MLLT10: variants seen among roughly 807,000 people sequenced by gnomAD.
MLLT10 encodes the protein protein AF-10.
Under a neutral mutation model 129.1 loss-of-function variants are expected in MLLT10, and 30 were observed. The observed-to-expected ratio is 0.23, with a 90% CI of 0.17 to 0.32. MLLT10 has a LOEUF of 0.32. MLLT10 is among the 10% of genes least tolerant of loss of function. MLLT10 has a pLI of 1.00. For synonymous variants in MLLT10, 490 were observed against 446.4 expected, an observed-to-expected ratio of 1.10 and a Z score of -1.23; for missense variants, 1,119 against 1,268.3, an observed-to-expected ratio of 0.88 and a Z score of 1.79.
intron 3 of MLLT10, among the ~76,000 whole-genome samples, chr10:21,574,649 G>C (rs1188681268): frequency 1.3e-5 from 2 of 152,166 alleles, no homozygotes; most frequent in African/African-American, 4.8e-5. Flanking sequence ...AGTTTTCTGG[G>C]AAAGGGGTGG....
At chr10:21,579,352 A>G (rs1165080396) in intron 3 of MLLT10, among the ~76,000 whole-genome samples, 1 of 152,012 alleles carries the variant, frequency 6.6e-6, no homozygotes, top group Non-Finnish European at 1.5e-5. Context: ...AGATTCTTGA[A>G]TCTGTGAATG....
intron 13 of MLLT10, among the ~76,000 whole-genome samples, chr10:21,683,702 C>A (rs1461717602): frequency 4.6e-5 from 7 of 151,982 alleles, no homozygotes; most frequent in Non-Finnish European, 8.8e-5. Flanking sequence ...CCCACTGCCC[C>A]ATCCCCAACA....
chr10:21,661,470 A>C (rs774879556), intron 9 of MLLT10, among the ~76,000 whole-genome samples: 2 of 152,270 alleles, frequency 1.3e-5, no homozygotes, highest in East Asian at 1.9e-4. Context: ...AAGGATTGTT[A>C]TGTCTTTTTG....
At chr10:21,587,423 CAAAAAAAAAA>C (rs35976402) in intron 4 of MLLT10, among the ~76,000 whole-genome samples, 5 of 42,346 alleles carry the variant, frequency 1.2e-4, no homozygotes, top group African/African-American at 4.8e-4. Flanking sequence ...GACCCTGCCT[CAAAAAAAAAA>C]AAAAAAAAAA....
At chr10:21,717,233 A>G (rs2056639905) in intron 14 of MLLT10, among the ~76,000 whole-genome samples, 2 of 145,708 alleles carry the variant, frequency 1.4e-5, no homozygotes, top group African/African-American at 5.1e-5. Context: ...AGCCTGGGCA[A>G]CAAGAGCGAA....
Position 21,581,894 on chromosome 10 carries a change from C to G in MLLT10, c.241-4400C>G, listed in dbSNP as rs372230722. On this transcript the variant is annotated intron_variant, in intron 3 of 22. Coordinates refer to ENST00000307729, the MANE Select transcript of MLLT10 (RefSeq NM_001195626.3). ...AATGGACTGCTACAACTACTATAGA[C>G]TTTATAAACATTGTACACTTAATGT... 2.0e-5 allele frequency among the ~76,000 whole-genome samples: 3 copies of G among 152,184 alleles called. No individual in the cohort carries two copies. The East Asian group carries it at 5.8e-4, about 29-fold the overall frequency.
chr10:21,556,622 A>T, intron 3 of MLLT10: 1 of 1,585,094 alleles, frequency 6.3e-7, no homozygotes, highest in Admixed American at 1.7e-5. Flanking sequence ...TGAATAAGGG[A>T]TTGTTTTGAT....
intron 3 of MLLT10, chr10:21,556,522 A>G (rs1054297737): frequency 1.5e-6 from 1 of 679,904 alleles, no homozygotes; most frequent in African/African-American, 1.8e-5. Flanking sequence ...GGTGTCTCTG[A>G]GTGTAGATTT....
Position 21,732,964 on chromosome 10 carries a change from A to C in MLLT10, c.2284A>C (p.Lys762Gln). ...AAACCGAAGATTAGAGGAACAAATT[A>C]AAAACTTGACTGCCAAAAAGGAACG... ...VENRRLEEQI[K>Q]NLTAKKERLQ... is the part of the protein sequence containing the mutation. The change falls in exon 18 of 23, where the codon AAA (lysine) becomes CAA (glutamine). Residue 762 changes from lysine (K) to glutamine (Q), a missense_variant. Physicochemically the swap from Lys to Gln is moderately conservative, Grantham distance 53. Transcript: ENST00000307729. 1 of 1,614,090 alleles carries C rather than the reference A, an allele frequency of 6.2e-7. No homozygotes were observed.
chr10:21,640,372 A>G (rs1463141080), intron 8 of MLLT10, among the ~76,000 whole-genome samples: 2 of 148,556 alleles, frequency 1.3e-5, no homozygotes, highest in African/African-American at 2.5e-5. Context: ...GTGTGTGTGT[A>G]TATATATGTA....
intron 3 of MLLT10, among the ~76,000 whole-genome samples, chr10:21,540,233 T>C (rs12779865): frequency 0.24 from 36,993 of 151,808 alleles, 5,726 homozygotes; most frequent in Middle Eastern, 0.47. Context: ...CTGCTAAAAA[T>C]ACAAAAAATT....
rs186175223 is a variant in MLLT10, at chr10:21,709,427, C to T, written c.1700-4345C>T. ...TTGTATTTTTAGTAGAGATGGGTTTCGCCATGTTGGCCAGGCTGGTCTCAA... is the reference window on the plus strand; with the variant it reads ...TTGTATTTTTAGTAGAGATGGGTTTTGCCATGTTGGCCAGGCTGGTCTCAA... On this transcript the variant is annotated intron_variant, in intron 13 of 22. Coordinates refer to ENST00000307729, the MANE Select transcript of MLLT10 (RefSeq NM_001195626.3). 3.8e-4 allele frequency among the ~76,000 whole-genome samples: 58 copies of T among 152,212 alleles called. No individual in the cohort carries two copies. In the East Asian group the frequency reaches 9.1e-3, roughly 24 times the overall value.
chr10:21,659,243 A>C (rs1480212637), intron 9 of MLLT10, among the ~76,000 whole-genome samples: 2 of 152,138 alleles, frequency 1.3e-5, no homozygotes, highest in African/African-American at 4.8e-5. Flanking sequence ...CAAGCTTTTA[A>C]AACTATAATT....
chr10:21,659,272 C>T (rs2049927110), intron 9 of MLLT10, among the ~76,000 whole-genome samples: 1 of 152,134 alleles, frequency 6.6e-6, no homozygotes, highest in African/African-American at 2.4e-5. Context: ...TATAGTCACA[C>T]AGCCCAGACT....
At chr10:21,678,911 G>A (rs895752632) in intron 11 of MLLT10, among the ~76,000 whole-genome samples, 2 of 152,100 alleles carry the variant, frequency 1.3e-5, no homozygotes, top group African/African-American at 4.8e-5. Flanking sequence ...TTTACAACTA[G>A]GATGTAAAGC....
intron 4 of MLLT10, among the ~76,000 whole-genome samples, chr10:21,594,900 C>G (rs1484578298): frequency 6.6e-6 from 1 of 151,668 alleles, no homozygotes; most frequent in Non-Finnish European, 1.5e-5. Flanking sequence ...ATGATTATTA[C>G]TAATATTAAA....
upstream of MLLT10, among the ~76,000 whole-genome samples, chr10:21,533,988 C>A (rs943065031): frequency 5.3e-5 from 8 of 152,092 alleles, no homozygotes; most frequent in African/African-American, 1.7e-4. Flanking sequence ...GCCACCAGCG[C>A]TGCAGAGGGC....
At chr10:21,640,160 A>G (rs1159727532) in intron 8 of MLLT10, among the ~76,000 whole-genome samples, 1 of 145,908 alleles carries the variant, frequency 6.9e-6, no homozygotes, top group East Asian at 2.0e-4. Flanking sequence ...ATATGTATAC[A>G]TATATATTAT....
intron 5 of MLLT10, among the ~76,000 whole-genome samples, chr10:21,604,665 G>A (rs1226912298): frequency 1.3e-5 from 2 of 152,180 alleles, no homozygotes; most frequent in African/African-American, 4.8e-5. Flanking sequence ...ATGCAATGGT[G>A]GGACAGGTGA....
Sources: gnomAD v4.1 joint callset for allele counts (sites outside exome capture counted in the v4.1 genomes callset) on GRCh38, gnomAD v4.1.1 for gene constraint, MANE v1.5 for transcripts, NCBI Gene and HGNC (gene_info 2026-07-23, HGNC 2026-07-21) for gene names.